The following ZFAND3 variants were observed in gnomAD, a reference collection of about 807,000 sequenced individuals.
ZFAND3 encodes AN1-type zinc finger protein 3.
A neutral mutation model predicts 29.6 loss-of-function variants in ZFAND3; 10 were observed. The ratio of observed to expected loss-of-function variants is 0.34; its 90% CI spans 0.21 to 0.57. ZFAND3 has a LOEUF of 0.57. ZFAND3 is among the 20% of genes least tolerant of loss of function. The pLI is 0.86. For missense variants in ZFAND3, 230 were observed against 304.5 expected (o/e 0.76, Z 1.82); for synonymous variants, 128 against 112.6 (o/e 1.14, Z -0.87).
chr6:38,141,812 C>T (rs1765962416), intron 5 of ZFAND3, among the ~76,000 whole-genome samples: 1 of 152,166 alleles, frequency 6.6e-6, no homozygotes, highest in African/African-American at 2.4e-5. Context: ...GTCATAATGC[C>T]AAGCATGTCA....
At chr6:37,835,581 G>C (rs1410231965) in intron 1 of ZFAND3, among the ~76,000 whole-genome samples, 1 of 151,048 alleles carries the variant, frequency 6.6e-6, no homozygotes, top group Non-Finnish European at 1.5e-5. Context: ...TATAAAATGA[G>C]TGTATTTGTG....
chr6:38,032,108 C>A (rs902040461), intron 2 of ZFAND3, among the ~76,000 whole-genome samples: 2 of 152,102 alleles, frequency 1.3e-5, no homozygotes, highest in African/African-American at 4.8e-5. Context: ...TCTGGAATTA[C>A]AAGCGTGAGC....
intron 2 of ZFAND3, among the ~76,000 whole-genome samples, chr6:37,961,865 C>T (rs951078858): frequency 1.3e-5 from 2 of 152,116 alleles, no homozygotes; most frequent in Admixed American, 1.3e-4. Context: ...TTTAGAATAT[C>T]TGGAAGGCCT....
At chr6:37,857,538 T>G (rs1350757144) in intron 1 of ZFAND3, among the ~76,000 whole-genome samples, 2 of 152,212 alleles carry the variant, frequency 1.3e-5, no homozygotes, top group African/African-American at 4.8e-5. Flanking sequence ...ATAAATTGGA[T>G]TGAATCTCAA....
intron 2 of ZFAND3, among the ~76,000 whole-genome samples, chr6:37,943,028 G>A (rs543399899): frequency 3.2e-4 from 49 of 152,236 alleles, no homozygotes; most frequent in African/African-American, 1.2e-3. Flanking sequence ...GCAAACAAGA[G>A]AGAACAAAAG....
At chr6:37,982,207 CTTT>C (rs200719187) in intron 2 of ZFAND3, among the ~76,000 whole-genome samples, 1 of 140,446 alleles carries the variant, frequency 7.1e-6, no homozygotes. Context: ...AGGTATGTAG[CTTT>C]TTTTTTTTTT....
At chr6:38,106,822 T>C (rs1304444543) in intron 4 of ZFAND3, among the ~76,000 whole-genome samples, 2 of 152,214 alleles carry the variant, frequency 1.3e-5, no homozygotes, top group East Asian at 3.8e-4. Context: ...TAGGCACTTA[T>C]GAAATAATGA....
chr6:37,946,904 G>A (rs1761913352), intron 2 of ZFAND3, among the ~76,000 whole-genome samples: 1 of 152,114 alleles, frequency 6.6e-6, no homozygotes, highest in African/African-American at 2.4e-5. Context: ...TTGTTTAATG[G>A]ATAAAGAAAG....
chr6:37,894,897 T>TAA (rs1344205742), intron 1 of ZFAND3, among the ~76,000 whole-genome samples: 1 of 152,222 alleles, frequency 6.6e-6, no homozygotes, highest in African/African-American at 2.4e-5. Flanking sequence ...CGTTTATATA[T>TAA]AATGTGATTT....
At chr6:38,119,444 T>G (rs1021998912) in intron 5 of ZFAND3, among the ~76,000 whole-genome samples, 1 of 152,212 alleles carries the variant, frequency 6.6e-6, no homozygotes, top group Non-Finnish European at 1.5e-5. Context: ...ATTCGCAATC[T>G]TTTCTTCCAT....
rs535318707 is a variant in ZFAND3 at position 37,995,209 on chromosome 6, T to G, written c.112+65210T>G. 5.3e-5 allele frequency among the ~76,000 whole-genome samples: 8 copies of G among 152,340 alleles called. No homozygotes were observed. The South Asian group carries it at 1.7e-3, about 32-fold the overall frequency. On this transcript the variant is annotated intron_variant, in intron 2 of 5. Transcript: ENST00000287218. The stretch of plus-strand genomic sequence containing the variant: ...AACCCCATGTTTTTTTCTTCTTCTT[T>G]TGAGGTGATCTTCTTAGTAGAAATT...
At chr6:38,052,898 G>A (rs139466337) in intron 2 of ZFAND3, among the ~76,000 whole-genome samples, 2 of 152,170 alleles carry the variant, frequency 1.3e-5, no homozygotes, top group African/African-American at 4.8e-5. Flanking sequence ...CTTAGGTGTG[G>A]TGGTGCACGC....
chr6:37,957,502 G>A (rs1458208526), intron 2 of ZFAND3, among the ~76,000 whole-genome samples: 1 of 151,984 alleles, frequency 6.6e-6, no homozygotes, highest in Admixed American at 6.6e-5. Context: ...ATGTATACAT[G>A]TAAGTTGTTT....
intron 1 of ZFAND3, among the ~76,000 whole-genome samples, chr6:37,901,974 C>T (rs1247403719): frequency 2.0e-5 from 3 of 152,150 alleles, no homozygotes; most frequent in Admixed American, 2.0e-4. Context: ...ACATGTAACA[C>T]TTGTAGCTGT....
chr6:38,053,757 G>C (rs1043267137), intron 2 of ZFAND3, among the ~76,000 whole-genome samples: 4 of 152,104 alleles, frequency 2.6e-5, no homozygotes. Context: ...AGACTACAGT[G>C]GTAATGGAGA....
intron 3 of ZFAND3, among the ~76,000 whole-genome samples, chr6:38,070,307 C>G (rs1764426425): frequency 6.6e-6 from 1 of 151,888 alleles, no homozygotes; most frequent in South Asian, 2.1e-4. Flanking sequence ...CCCTGTAATT[C>G]CAGCTACTCG....
intron 2 of ZFAND3, among the ~76,000 whole-genome samples, chr6:38,017,836 C>T (rs1185193821): frequency 6.6e-6 from 1 of 152,208 alleles, no homozygotes; most frequent in Non-Finnish European, 1.5e-5. Context: ...TTTTCTCAAA[C>T]TACAGAAAAT....
At chr6:38,016,522 A>G (rs1441289529) in intron 2 of ZFAND3, among the ~76,000 whole-genome samples, 1 of 152,222 alleles carries the variant, frequency 6.6e-6, no homozygotes, top group Admixed American at 6.5e-5. Context: ...AAGATGGTTG[A>G]GGTTAACTTT....
intron 4 of ZFAND3, among the ~76,000 whole-genome samples, chr6:38,107,132 A>G (rs1765226186): frequency 2.0e-5 from 3 of 152,206 alleles, no homozygotes; most frequent in Admixed American, 1.3e-4. Flanking sequence ...GAAAAAGACA[A>G]GGAGACCATT....
Sources: allele counts gnomAD v4.1 joint callset (sites outside exome capture counted in the v4.1 genomes callset), GRCh38; gene constraint gnomAD v4.1.1; transcripts MANE v1.5; gene names NCBI Gene and HGNC (gene_info 2026-07-23, HGNC 2026-07-21).